COL10A1: variants seen among roughly 807,000 people sequenced by gnomAD.
COL10A1 encodes collagen alpha-1(X) chain.
Under a neutral mutation model 18.2 loss-of-function variants are expected in COL10A1, and 10 were observed. The observed-to-expected ratio is 0.55, with a 90% CI of 0.34 to 0.93. The LOEUF is 0.93. Among genes scored for constraint, COL10A1 ranks in the 40% least tolerant of loss-of-function variants. COL10A1 has a pLI of 0.02. For missense variants in COL10A1, 897 were observed against 853.5 expected (o/e 1.05, Z -0.64); for synonymous variants, 330 against 316.6 (o/e 1.04, Z -0.45).
chr6:116,182,037 C>T, the COL10A1 span, among the ~76,000 whole-genome samples: 35 of 152,050 alleles, frequency 2.3e-4, no homozygotes, highest in South Asian at 6.9e-3. Context: ...CCCTTTCCTC[C>T]GCGTCCCCAA....
chr6:116,133,968 A>G (rs927048891), intron 1 of COL10A1, among the ~76,000 whole-genome samples: 1 of 152,204 alleles, frequency 6.6e-6, no homozygotes, highest in African/African-American at 2.4e-5. Flanking sequence ...AATTCTTACT[A>G]TCTTTAATAA....
chr6:116,182,020 G>A, the COL10A1 span, among the ~76,000 whole-genome samples: 2 of 151,812 alleles, frequency 1.3e-5, no homozygotes, highest in African/African-American at 2.4e-5. Flanking sequence ...TCCCTCACCC[G>A]CTCCCACCCT....
the COL10A1 span, among the ~76,000 whole-genome samples, chr6:116,178,098 C>CGT: frequency 4.6e-3 from 432 of 93,486 alleles, 4 homozygotes; most frequent in African/African-American, 0.014. Flanking sequence ...TGCGCGCGCG[C>CGT]GCGCGTGCGT....
At chr6:116,131,072 A>G (rs2114330110), upstream of COL10A1, among the ~76,000 whole-genome samples, 1 of 152,212 alleles carries the variant, frequency 6.6e-6, no homozygotes. Flanking sequence ...TTTGTTTTAT[A>G]CTTTCATAAA....
the COL10A1 span, among the ~76,000 whole-genome samples, chr6:116,215,957 C>A: frequency 1.3e-5 from 2 of 152,102 alleles, no homozygotes; most frequent in African/African-American, 4.8e-5. Flanking sequence ...CTTGTCTATA[C>A]TCATTTAAAC....
chr6:116,151,053 G>T (rs1780024266), intron 1 of COL10A1, among the ~76,000 whole-genome samples: 1 of 152,124 alleles, frequency 6.6e-6, no homozygotes. Context: ...TAGAAATCTT[G>T]ACATCTCTGA....
At chr6:116,153,609 T>A (rs1429654119) in intron 1 of COL10A1, among the ~76,000 whole-genome samples, 1 of 152,166 alleles carries the variant, frequency 6.6e-6, no homozygotes, top group East Asian at 1.9e-4. Flanking sequence ...TTACCTCTAT[T>A]AGGTACCTAG....
At chr6:116,125,059 T>G (rs184767460) in intron 2 of COL10A1, among the ~76,000 whole-genome samples, 2 of 152,246 alleles carry the variant, frequency 1.3e-5, no homozygotes, top group Admixed American at 6.5e-5. Context: ...TGCAGTTATT[T>G]GTGCAAAAGC....
upstream of COL10A1, among the ~76,000 whole-genome samples, chr6:116,163,141 A>AAAAAAATATATATATAT (rs761718922): frequency 4.5e-5 from 4 of 88,406 alleles, no homozygotes; most frequent in African/African-American, 2.3e-4. Flanking sequence ...AAAAAAAAAA[A>AAAAAAATATATATATAT]ATATATATAT....
the COL10A1 span, among the ~76,000 whole-genome samples, chr6:116,195,790 G>A: frequency 2.6e-5 from 4 of 152,012 alleles, no homozygotes; most frequent in African/African-American, 9.7e-5. Context: ...CAAATTTAAT[G>A]TGCACAGAAC....
At chr6:116,189,945 A>G in the COL10A1 span, among the ~76,000 whole-genome samples, 2 of 152,078 alleles carry the variant, frequency 1.3e-5, no homozygotes, top group African/African-American at 4.8e-5. Flanking sequence ...ATAAAGAAGT[A>G]AATGTTTGTT....
intron 1 of COL10A1, among the ~76,000 whole-genome samples, chr6:116,158,367 C>G (rs1396239145): frequency 6.6e-6 from 1 of 150,666 alleles, no homozygotes; most frequent in African/African-American, 2.4e-5. Flanking sequence ...CTCTTCAAAT[C>G]CAGAAAAAAA....
the COL10A1 span, among the ~76,000 whole-genome samples, chr6:116,213,096 T>G: frequency 1.3e-5 from 2 of 152,150 alleles, no homozygotes; most frequent in African/African-American, 4.8e-5. Context: ...TTGTTTAGAT[T>G]ATCTATTGCT....
chr6:116,182,584 G>A, the COL10A1 span, among the ~76,000 whole-genome samples: 7 of 151,970 alleles, frequency 4.6e-5, no homozygotes, highest in African/African-American at 1.7e-4. Flanking sequence ...CATTGTCGCA[G>A]GAGTAAGGTG....
At chr6:116,154,787 C>T (rs562211334) in intron 1 of COL10A1, among the ~76,000 whole-genome samples, 2 of 152,162 alleles carry the variant, frequency 1.3e-5, no homozygotes, top group Admixed American at 6.5e-5. Context: ...GATTTGTTTA[C>T]GCCTCAGGAT....
At chr6:116,177,287 A>C in the COL10A1 span, among the ~76,000 whole-genome samples, 1 of 152,194 alleles carries the variant, frequency 6.6e-6, no homozygotes, top group Non-Finnish European at 1.5e-5. Context: ...CTTTTCAATT[A>C]ACTGTGTTTT....
At chr6:116,155,752 TAAAAAAAAAA>T (rs58270869) in intron 1 of COL10A1, among the ~76,000 whole-genome samples, 1 of 114,616 alleles carries the variant, frequency 8.7e-6, no homozygotes, top group African/African-American at 3.2e-5. Flanking sequence ...TACTTCTCCT[TAAAAAAAAAA>T]AAAAAAAAAA....
intron 1 of COL10A1, among the ~76,000 whole-genome samples, chr6:116,150,210 A>G (rs1024747360): frequency 2.6e-5 from 4 of 152,182 alleles, no homozygotes; most frequent in Non-Finnish European, 5.9e-5. Flanking sequence ...TATGGCTTTC[A>G]CATGGAGAGC....
chr6:116,132,011 T>C (rs1779479548), intron 1 of COL10A1, among the ~76,000 whole-genome samples: 1 of 152,192 alleles, frequency 6.6e-6, no homozygotes, highest in Non-Finnish European at 1.5e-5. Flanking sequence ...TATCTTATTG[T>C]TTTTTATGGC....
Sources: allele counts gnomAD v4.1 joint callset (sites outside exome capture counted in the v4.1 genomes callset), GRCh38; gene constraint gnomAD v4.1.1; transcripts MANE v1.5; gene names NCBI Gene and HGNC (gene_info 2026-07-23, HGNC 2026-07-21).